Variants in RALYL observed in about 807,000 individuals in gnomAD.
RALYL encodes RNA-binding Raly-like protein.
In RALYL, 29 loss-of-function variants were observed where a neutral mutation model predicts 35.1. That is an observed-to-expected ratio of 0.83 (90% CI 0.61 to 1.13). RALYL has a LOEUF of 1.13. RALYL is among the 50% of genes most tolerant of loss of function. The probability of loss-of-function intolerance (pLI) is 0.00; values close to 1 mark genes in which losing one functional copy is unlikely to be tolerated. For synonymous variants in RALYL, 120 were observed against 127.6 expected, an observed-to-expected ratio of 0.94 and a Z score of 0.40; for missense variants, 359 against 360.4, an observed-to-expected ratio of 1.00 and a Z score of 0.03.
chr8:84,839,516 T>C (rs987497213), intron 4 of RALYL, among the ~76,000 whole-genome samples: 114 of 152,330 alleles, frequency 7.5e-4, no homozygotes, highest in Non-Finnish European at 6.2e-4. Context: ...GAGGCCTGCC[T>C]GCCTCTGTAG....
intron 1 of RALYL, among the ~76,000 whole-genome samples, chr8:84,321,372 T>C (rs922705817): frequency 6.6e-6 from 1 of 152,086 alleles, no homozygotes; most frequent in Non-Finnish European, 1.5e-5. Flanking sequence ...AGAGATGGGC[T>C]AATCCAGAGA....
At chr8:84,791,379 G>A (rs574738101) in intron 3 of RALYL, among the ~76,000 whole-genome samples, 3 of 152,272 alleles carry the variant, frequency 2.0e-5, no homozygotes, top group African/African-American at 7.2e-5. Flanking sequence ...CTTTGGGCAA[G>A]GAGGAAATGA....
chr8:84,717,102 G>C (rs916665303), intron 2 of RALYL, among the ~76,000 whole-genome samples: 1 of 152,118 alleles, frequency 6.6e-6, no homozygotes, highest in Non-Finnish European at 1.5e-5. Flanking sequence ...CAGGAGAATT[G>C]CTTGAACCCA....
chr8:84,602,122 A>T (rs1816114959), intron 2 of RALYL, among the ~76,000 whole-genome samples: 1 of 152,084 alleles, frequency 6.6e-6, no homozygotes, highest in Non-Finnish European at 1.5e-5. Context: ...AAATGCCTTA[A>T]CCATGACATC....
At chr8:84,672,709 C>A (rs758272178) in intron 2 of RALYL, among the ~76,000 whole-genome samples, 1 of 152,048 alleles carries the variant, frequency 6.6e-6, no homozygotes, top group Non-Finnish European at 1.5e-5. Flanking sequence ...GGGGAAGTGC[C>A]CTTTATAAAA....
At chr8:84,799,407 C>T (rs1342692573) in intron 3 of RALYL, among the ~76,000 whole-genome samples, 1 of 152,098 alleles carries the variant, frequency 6.6e-6, no homozygotes, top group Non-Finnish European at 1.5e-5. Context: ...GTAGATATGG[C>T]AACACCAAAG....
At chr8:84,621,133 T>C (rs943712473) in intron 2 of RALYL, among the ~76,000 whole-genome samples, 10 of 152,188 alleles carry the variant, frequency 6.6e-5, no homozygotes, top group Non-Finnish European at 1.5e-5. Context: ...TCGAGCTTCC[T>C]GGCTGCTCTG....
At chr8:84,722,617 TTATATATATA>T (rs71823678) in intron 2 of RALYL, among the ~76,000 whole-genome samples, 6 of 97,408 alleles carry the variant, frequency 6.2e-5, no homozygotes, top group African/African-American at 1.6e-4. Flanking sequence ...TAGAGTGATT[TTATATATATA>T]TATATATATA....
intron 1 of RALYL, among the ~76,000 whole-genome samples, chr8:84,430,780 A>G (rs1348561621): frequency 6.6e-6 from 1 of 152,166 alleles, no homozygotes; most frequent in Non-Finnish European, 1.5e-5. Context: ...ATTATTTACT[A>G]ACATTCAAAG....
chr8:84,668,626 TTAAA>T (rs947552528), intron 2 of RALYL, among the ~76,000 whole-genome samples: 4 of 151,978 alleles, frequency 2.6e-5, no homozygotes, highest in East Asian at 1.9e-4. Context: ...ACAGTTGGCA[TTAAA>T]TAGAGAGGCA....
intron 1 of RALYL, among the ~76,000 whole-genome samples, chr8:84,488,419 A>C (rs553882628): frequency 6.6e-6 from 1 of 152,132 alleles, no homozygotes; most frequent in East Asian, 1.9e-4. Context: ...GAAGTACACA[A>C]AAGTTCCCAT....
At chr8:84,578,540 A>C (rs777026138) in intron 2 of RALYL, among the ~76,000 whole-genome samples, 40 of 152,160 alleles carry the variant, frequency 2.6e-4, no homozygotes, top group Non-Finnish European at 2.1e-4. Context: ...GGTGGAGAGG[A>C]GCTTTATTGC....
At chr8:84,442,384 A>G (rs1233417992) in intron 1 of RALYL, among the ~76,000 whole-genome samples, 1 of 151,998 alleles carries the variant, frequency 6.6e-6, no homozygotes, top group Non-Finnish European at 1.5e-5. Context: ...CATAGAGTCT[A>G]TTTTCTCTAG....
At chr8:84,755,869 A>G (rs1376177502) in intron 2 of RALYL, among the ~76,000 whole-genome samples, 1 of 136,100 alleles carries the variant, frequency 7.3e-6, no homozygotes, top group Non-Finnish European at 1.6e-5. Flanking sequence ...AATGTGGCAT[A>G]TTGTAAAAAA....
intron 2 of RALYL, among the ~76,000 whole-genome samples, chr8:84,690,518 A>T (rs1465231658): frequency 2.0e-5 from 3 of 152,164 alleles, no homozygotes; most frequent in Non-Finnish European, 2.9e-5. Context: ...TCATCACACA[A>T]AAATGGTAAT....
At chr8:84,526,158 T>C (rs1170026454) in intron 1 of RALYL, among the ~76,000 whole-genome samples, 1 of 152,036 alleles carries the variant, frequency 6.6e-6, no homozygotes, top group African/African-American at 2.4e-5. Context: ...TTTCACCATG[T>C]TGGCCAGGCT....
At chr8:84,753,120 T>C (rs1160184673) in intron 2 of RALYL, among the ~76,000 whole-genome samples, 2 of 152,198 alleles carry the variant, frequency 1.3e-5, no homozygotes, top group Non-Finnish European at 2.9e-5. Context: ...TGCATCAGTG[T>C]ACCCTGAATG....
At chr8:84,803,195 GA>G (rs1223361232) in intron 3 of RALYL, among the ~76,000 whole-genome samples, 1 of 152,098 alleles carries the variant, frequency 6.6e-6, no homozygotes, top group Non-Finnish European at 1.5e-5. Flanking sequence ...AGAGAGAAGG[GA>G]TCCCATTAAT....
At chr8:84,918,310 T>C (rs1015126288) in intron 8 of RALYL, among the ~76,000 whole-genome samples, 10 of 152,058 alleles carry the variant, frequency 6.6e-5, no homozygotes, top group African/African-American at 2.2e-4. Context: ...AATATAGTAA[T>C]GCATAAAGTT....
Sources: allele counts gnomAD v4.1 joint callset (sites outside exome capture counted in the v4.1 genomes callset), GRCh38; gene constraint gnomAD v4.1.1; transcripts MANE v1.5; gene names NCBI Gene and HGNC (gene_info 2026-07-23, HGNC 2026-07-21).